The following STARD13 variants were observed in gnomAD, a reference collection of about 807,000 sequenced individuals.
STARD13 encodes StAR related lipid transfer domain containing 13.
STARD13 carries 62 observed loss-of-function variants against 106.4 expected under a neutral mutation model. That is an observed-to-expected ratio of 0.58 (90% CI 0.48 to 0.72). STARD13 has a LOEUF of 0.72. STARD13 is among the 30% of genes least tolerant of loss of function. STARD13 has a pLI of 0.00. For synonymous variants in STARD13, 565 were observed against 553.0 expected (o/e 1.02, Z -0.31); for missense variants, 1,387 against 1,424.0 (o/e 0.97, Z 0.42).
At chr13:33,259,985 G>C (rs958418331) in intron 1 of STARD13, among the ~76,000 whole-genome samples, 6 of 105,684 alleles carry the variant, frequency 5.7e-5, no homozygotes, top group Middle Eastern at 7.6e-3. Flanking sequence ...AAGAAAGTGA[G>C]ATTCCATCTC....
At chr13:33,467,641 A>G in the STARD13 span, among the ~76,000 whole-genome samples, 1 of 152,316 alleles carries the variant, frequency 6.6e-6, no homozygotes, top group South Asian at 2.1e-4. Flanking sequence ...GGATAAGGGC[A>G]TAATAATAAT....
chr13:33,214,975 G>C (rs118000042), intron 1 of STARD13, among the ~76,000 whole-genome samples: 6 of 152,210 alleles, frequency 3.9e-5, no homozygotes, highest in Non-Finnish European at 5.9e-5. Flanking sequence ...TAAGTCCTTT[G>C]GAAGCATTAG....
intron 4 of STARD13, among the ~76,000 whole-genome samples, chr13:33,131,531 C>T (rs557235549): frequency 3.3e-5 from 5 of 151,996 alleles, no homozygotes; most frequent in East Asian, 3.9e-4. Context: ...TACAGTGAGC[C>T]GTGATGGCAC....
chr13:33,659,236 T>TCTTTA, the STARD13 span, among the ~76,000 whole-genome samples: 2 of 138,566 alleles, frequency 1.4e-5, no homozygotes, highest in African/African-American at 2.6e-5. Context: ...TTTTTTTTTT[T>TCTTTA]ATGAAGTCTT....
the STARD13 span, among the ~76,000 whole-genome samples, chr13:33,494,531 C>T: frequency 6.6e-6 from 1 of 152,124 alleles, no homozygotes; most frequent in Non-Finnish European, 1.5e-5. Flanking sequence ...GGCTCTCCTG[C>T]TCTACCTCCC....
At chr13:33,317,074 G>T (rs1301377876) in intron 1 of STARD13, among the ~76,000 whole-genome samples, 2 of 152,106 alleles carry the variant, frequency 1.3e-5, no homozygotes, top group African/African-American at 4.8e-5. Context: ...TGAGGTGGTG[G>T]TGCCTCAGGG....
chr13:33,419,969 A>G, the STARD13 span, among the ~76,000 whole-genome samples: 3 of 152,230 alleles, frequency 2.0e-5, no homozygotes, highest in Non-Finnish European at 2.9e-5. Context: ...CTAAACATGG[A>G]AAGGAACAAG....
chr13:33,107,074 A>G (rs1414381966), intron 12 of STARD13, 140 bp from the exon 13 acceptor site: 1 of 733,984 alleles, frequency 1.4e-6, no homozygotes. Flanking sequence ...GATTAAGCTA[A>G]TGGCTTTCAT....
chr13:33,381,011 A>T, the STARD13 span, among the ~76,000 whole-genome samples: 1,338 of 152,336 alleles, frequency 8.8e-3, 16 homozygotes, highest in African/African-American at 0.031. Flanking sequence ...GTAGGAACAA[A>T]TTCTAGAAGC....
chr13:33,304,300 A>G (rs1229194542), intron 1 of STARD13, among the ~76,000 whole-genome samples: 1 of 152,168 alleles, frequency 6.6e-6, no homozygotes, highest in African/African-American at 2.4e-5. Flanking sequence ...TATTTTTCTT[A>G]AAGATTTTAT....
chr13:33,454,189 C>T, the STARD13 span, among the ~76,000 whole-genome samples: 2 of 152,208 alleles, frequency 1.3e-5, no homozygotes, highest in Non-Finnish European at 2.9e-5. Context: ...AGTGAATGAA[C>T]TTGGCAGGAG....
chr13:33,174,525 C>T (rs1310680648), intron 1 of STARD13, among the ~76,000 whole-genome samples: 1 of 152,192 alleles, frequency 6.6e-6, no homozygotes, highest in Non-Finnish European at 1.5e-5. Context: ...ACCTTTCCTG[C>T]TCTTTTCCCT....
chr13:33,353,402 C>A (rs1359104014), upstream of STARD13, among the ~76,000 whole-genome samples: 5 of 152,142 alleles, frequency 3.3e-5, no homozygotes, highest in African/African-American at 7.2e-5. Flanking sequence ...CACTGTAGCC[C>A]ATTTCCTTCC....
the STARD13 span, among the ~76,000 whole-genome samples, chr13:33,609,018 G>A: frequency 5.4e-5 from 8 of 147,300 alleles, no homozygotes; most frequent in East Asian, 4.1e-4. Context: ...CCCGGGAGGC[G>A]GAGCTTGCAG....
At chr13:33,620,084 A>G in the STARD13 span, among the ~76,000 whole-genome samples, 1 of 152,052 alleles carries the variant, frequency 6.6e-6, no homozygotes, top group African/African-American at 2.4e-5. Flanking sequence ...TGGGTGGAAT[A>G]TTCTTCATCA....
rs150167709 is a variant in STARD13 at position 33,110,814 on chromosome 13, C to A, written c.2701G>T (p.Glu901Ter). ...TLEELGTQLEESGATFHTYLN... is the reference protein window; with the variant it reads ...TLEELGTQLE Reference sequence around the variant, plus strand: ...TAAGTGTGGAAAGTTGCCCCACTCTCCTCCAGCTGTGTCCCCAATTCTTCC... The same window carrying A: ...TAAGTGTGGAAAGTTGCCCCACTCTACTCCAGCTGTGTCCCCAATTCTTCC... Residue 901 changes from glutamate (E) to a stop codon, truncating the protein, a stop_gained, in exon 11 of 14, where the codon GAG becomes TAG. Coordinates refer to ENST00000336934, the MANE Select transcript of STARD13 (RefSeq NM_178006.4). LOFTEE classifies it high-confidence loss of function. The A allele has an allele frequency of 1.9e-6, 3 of 1,614,204 alleles. No individual in the cohort carries two copies. In the South Asian group the frequency reaches 3.3e-5, roughly 18 times the overall value.
chr13:33,321,615 T>C (rs1317025439), intron 1 of STARD13, among the ~76,000 whole-genome samples: 2 of 152,180 alleles, frequency 1.3e-5, no homozygotes, highest in Admixed American at 6.5e-5. Context: ...CATTCAAAAA[T>C]GATTATTAAC....
chr13:33,534,057 T>C, the STARD13 span, among the ~76,000 whole-genome samples: 13 of 152,296 alleles, frequency 8.5e-5, no homozygotes, highest in African/African-American at 3.1e-4. Flanking sequence ...GATCAATAAG[T>C]AGAGATAAGT....
At chr13:33,530,741 T>C in the STARD13 span, among the ~76,000 whole-genome samples, 1 of 152,224 alleles carries the variant, frequency 6.6e-6, no homozygotes. Flanking sequence ...CAGCTATTCA[T>C]GCGAAATACC....
Sources: allele counts gnomAD v4.1 joint callset (sites outside exome capture counted in the v4.1 genomes callset), GRCh38; gene constraint gnomAD v4.1.1; transcripts MANE v1.5; gene names NCBI Gene and HGNC (gene_info 2026-07-23, HGNC 2026-07-21).